PFKFB3: variants seen among roughly 807,000 people sequenced by gnomAD.
The protein encoded by PFKFB3 is 6-phosphofructo-2-kinase/fructose-2,6-bisphosphatase 3.
A neutral mutation model predicts 68.0 loss-of-function variants in PFKFB3; 33 were observed. The observed-to-expected ratio is 0.49, with a 90% CI of 0.37 to 0.65. The LOEUF is 0.65. PFKFB3 is among the 30% of genes least tolerant of loss of function. The pLI is 0.00. For missense variants in PFKFB3, 586 were observed against 712.2 expected (o/e 0.82, Z 2.02); for synonymous variants, 315 against 288.2 (o/e 1.09, Z -0.94).
intron 1 of PFKFB3, among the ~76,000 whole-genome samples, chr10:6,184,007 A>G (rs1564604501): frequency 6.6e-6 from 1 of 151,010 alleles, no homozygotes; most frequent in Non-Finnish European, 1.5e-5. Context: ...TGGAATCTTT[A>G]CATGACAGGC....
chr10:6,195,530 C>T (rs1245317780), intron 1 of PFKFB3, among the ~76,000 whole-genome samples: 1 of 152,224 alleles, frequency 6.6e-6, no homozygotes, highest in Non-Finnish European at 1.5e-5. Flanking sequence ...GCCATGTCTG[C>T]ATGGGGTCAC....
At chr10:6,190,629 C>T (rs532402146) in intron 1 of PFKFB3, among the ~76,000 whole-genome samples, 1 of 152,240 alleles carries the variant, frequency 6.6e-6, no homozygotes, top group Admixed American at 6.5e-5. Flanking sequence ...TCGTGAGACC[C>T]CATCCCTACA....
intron 1 of PFKFB3, among the ~76,000 whole-genome samples, chr10:6,186,859 T>C (rs771927647): frequency 1.3e-5 from 2 of 152,080 alleles, no homozygotes; most frequent in Non-Finnish European, 2.9e-5. Flanking sequence ...AAAAAGTATG[T>C]TATAGGAAGA....
At chr10:6,207,440 G>GGA (rs2131893173) in intron 1 of PFKFB3, among the ~76,000 whole-genome samples, 1 of 152,328 alleles carries the variant, frequency 6.6e-6, no homozygotes, top group East Asian at 1.9e-4. Flanking sequence ...AGAGGGAGAG[G>GGA]GAGAGGGAGC....
chr10:6,148,075 G>A (rs1841453879), intron 1 of PFKFB3, among the ~76,000 whole-genome samples: 1 of 152,226 alleles, frequency 6.6e-6, no homozygotes, highest in African/African-American at 2.4e-5. Context: ...CACTTGCTAT[G>A]CACCAGCACA....
chr10:6,177,371 T>C (rs1024852153), intron 1 of PFKFB3, among the ~76,000 whole-genome samples: 1 of 98,386 alleles, frequency 1.0e-5, no homozygotes, highest in African/African-American at 3.1e-5. Flanking sequence ...TTTCTTTCTT[T>C]CTTTCTTTCT....
chr10:6,219,232 G>A (rs1844788683), intron 6 of PFKFB3, among the ~76,000 whole-genome samples: 4 of 152,192 alleles, frequency 2.6e-5, no homozygotes, highest in Admixed American at 6.5e-5. Context: ...CGTGGAGCTC[G>A]GTTGAGTTCA....
the PFKFB3 span, among the ~76,000 whole-genome samples, chr10:6,304,168 G>C: frequency 4.6e-5 from 7 of 152,184 alleles, no homozygotes; most frequent in African/African-American, 1.4e-4. Flanking sequence ...TGGATTTTCA[G>C]ATTGTTTACT....
At chr10:6,286,343 G>A in the PFKFB3 span, among the ~76,000 whole-genome samples, 6 of 151,708 alleles carry the variant, frequency 4.0e-5, no homozygotes, top group Non-Finnish European at 8.8e-5. Context: ...GCTGGGTCTT[G>A]TTTTTTAATT....
chr10:6,148,060 T>C (rs1841453470), intron 1 of PFKFB3, among the ~76,000 whole-genome samples: 1 of 152,214 alleles, frequency 6.6e-6, no homozygotes, highest in South Asian at 2.1e-4. Context: ...ATTCTCTAGA[T>C]TGGGCACTTG....
chr10:6,198,468 T>C (rs1161306333), upstream of PFKFB3, among the ~76,000 whole-genome samples: 1 of 152,138 alleles, frequency 6.6e-6, no homozygotes, highest in East Asian at 1.9e-4. Flanking sequence ...GAGAAAAATA[T>C]ATGATATTTG....
the PFKFB3 span, among the ~76,000 whole-genome samples, chr10:6,268,482 AG>A: frequency 3.0e-3 from 457 of 152,000 alleles, 6 homozygotes; most frequent in African/African-American, 0.01. Flanking sequence ...AAAATTAGCC[AG>A]GGATGTTTGC....
intron 14 of PFKFB3, among the ~76,000 whole-genome samples, chr10:6,241,290 G>A (rs1012689794): frequency 3.3e-5 from 5 of 152,200 alleles, no homozygotes; most frequent in Admixed American, 6.5e-5. Flanking sequence ...GAATCCCACC[G>A]AGGTGAAGCG....
At chr10:6,323,748 C>G in the PFKFB3 span, among the ~76,000 whole-genome samples, 1 of 152,100 alleles carries the variant, frequency 6.6e-6, no homozygotes, top group Non-Finnish European at 1.5e-5. Flanking sequence ...ATCAAAAAAC[C>G]AGAAAAGAGC....
At chr10:6,267,375 A>G in the PFKFB3 span, among the ~76,000 whole-genome samples, 2 of 152,232 alleles carry the variant, frequency 1.3e-5, no homozygotes, top group Non-Finnish European at 2.9e-5. Context: ...TGTGGGTTTC[A>G]CTGGCTTTCC....
At chr10:6,313,109 G>A in the PFKFB3 span, among the ~76,000 whole-genome samples, 11 of 152,180 alleles carry the variant, frequency 7.2e-5, no homozygotes, top group African/African-American at 1.7e-4. The surrounding 1 kb of genome is among the most constrained non-coding windows in gnomAD (Gnocchi z 4.2). Context: ...TAGCTTTAAC[G>A]TGAAACTGCT....
At chr10:6,145,078 G>T (rs1841332421) in intron 1 of PFKFB3, 4 of 1,249,154 alleles carry the variant, frequency 3.2e-6, no homozygotes, top group South Asian at 2.4e-5. Flanking sequence ...GCCGCCTGTG[G>T]GTACCCGAGC....
downstream of PFKFB3, among the ~76,000 whole-genome samples, chr10:6,257,655 C>G (rs927057459): frequency 6.6e-6 from 1 of 152,178 alleles, no homozygotes; most frequent in Non-Finnish European, 1.5e-5. Context: ...GTGGCATGTC[C>G]TGTGCCATGG....
Position 6,216,865 on chromosome 10 carries a change from T to G in PFKFB3, c.441+85T>G, listed in dbSNP as rs1433531555. The G allele has an allele frequency of 6.9e-6, 6 of 871,024 alleles. No individual in the cohort carries two copies. The East Asian group carries it at 1.6e-4, about 23-fold the overall frequency. 54.0% of individuals were successfully genotyped at this position (871,024 alleles called of 1,614,324 possible). On this transcript the variant is annotated intron_variant, in intron 5 of 14. Coordinates refer to ENST00000379775, the MANE Select transcript of PFKFB3 (RefSeq NM_004566.4). ...AGCGGCCTGAGTCCTGCTTGGTCCT[T>G]CCCCTCCTGCTGCCCATGTTCCTTA...
Sources: gnomAD v4.1 joint callset for allele counts (sites outside exome capture counted in the v4.1 genomes callset) on GRCh38, gnomAD v4.1.1 for gene constraint, Gnocchi (gnomAD v3.1) non-coding constraint, MANE v1.5 for transcripts, NCBI Gene and HGNC (gene_info 2026-07-23, HGNC 2026-07-21) for gene names.